Variants in RAD51 observed in about 807,000 individuals in gnomAD.
RAD51 encodes the protein RAD51 recombinase, also known as DNA repair protein RAD51 homolog 1.
Under a neutral mutation model 41.5 loss-of-function variants are expected in RAD51, and 14 were observed. That is an observed-to-expected ratio of 0.34 (90% CI 0.22 to 0.53). The LOEUF (loss-of-function observed/expected upper bound fraction) is 0.53, where lower values mean the gene tolerates loss of function less well. Among genes scored for constraint, RAD51 ranks in the 20% least tolerant of loss-of-function variants. The pLI is 0.95. For missense variants in RAD51, 234 were observed against 422.0 expected, an observed-to-expected ratio of 0.55 and a Z score of 3.90; for synonymous variants, 136 against 148.6, an observed-to-expected ratio of 0.92 and a Z score of 0.62.
intron 6 of RAD51, among the ~76,000 whole-genome samples, chr15:40,726,881 C>T (rs566902539): frequency 5.3e-5 from 8 of 150,216 alleles, no homozygotes; most frequent in African/African-American, 9.8e-5. Context: ...CCACTGCACT[C>T]CAGCCTGGGC....
rs759067637 is a variant in RAD51 at position 40,728,796 on chromosome 15, C to G, written c.616C>G (p.Gln206Glu). Residue 206 changes from glutamine (Q) to glutamate (E), a missense_variant, in exon 7 of 10, where the codon CAA becomes GAA. Gln to Glu is a conservative substitution (Grantham distance 29, BLOSUM62 2). Around this residue, in one of 2 missense-constraint regions of RAD51, gnomAD observed 134 missense variants for 286.5 expected, o/e 0.47. Transcript: ENST00000267868. ...NTDHQTQLLYQASAMMVESRY... is the reference protein window; with the variant it reads ...NTDHQTQLLYEASAMMVESRY... ...AGACCACCAGACCCAGCTCCTTTAT[C>G]AAGCATCAGCCATGATGGTAGAATC... The G allele has an allele frequency of 6.2e-7, 1 of 1,613,716 alleles. No individual in the cohort carries two copies. Among genetic ancestry groups the G allele is most frequent in the Admixed American group, 1.7e-5 (1 of 60,016 alleles).
chr15:40,724,889 A>ATTT lies in RAD51; in HGVS notation c.531-3803_531-3801dup, dbSNP rs34086110. Among the ~76,000 whole-genome samples the ATTT allele has an allele frequency of 4.2e-4, 23 of 55,394 alleles. 1 individual carries two copies. Among genetic ancestry groups the ATTT allele is most frequent in the African/African-American group, 1.5e-3 (18 of 11,910 alleles). 36.3% of individuals were successfully genotyped at this position (55,394 alleles called of 152,430 possible). A position where few individuals can be genotyped will look rare whatever the true frequency, so the allele number is the denominator to read the frequency against. ...TTTTAATTTTTTTTAATTTTTTTTA[A>ATTT]TTTTTTTTTTTTTTTTTTTTTGAGA... is the stretch of plus-strand genomic sequence containing the variant. On this transcript the variant is annotated intron_variant, in intron 6 of 9. Coordinates refer to ENST00000267868, the MANE Select transcript of RAD51 (RefSeq NM_002875.5).
chr15:40,716,717 G>C (rs1395751114), intron 5 of RAD51, among the ~76,000 whole-genome samples: 1 of 136,494 alleles, frequency 7.3e-6, no homozygotes, highest in Admixed American at 8.1e-5. Context: ...CTGGAGTGTA[G>C]TGGCACGATC....
Position 40,728,698 on chromosome 15 carries a change from T to C in RAD51, c.531-13T>C. ...CTGTGTGCAGCCTAAAAATGTTCTC[T>C]CCTCTCTCATAGGTATGGTCTCTCT... On this transcript the variant is annotated splice_polypyrimidine_tract_variant and intron_variant, in intron 6 of 9. Transcript: ENST00000267868. 6.2e-7 allele frequency: 1 copy of C among 1,608,712 alleles called. No homozygotes were observed. The highest frequency in any genetic ancestry group is 2.2e-5 in the East Asian group (1 of 44,858).
Position 40,710,191 on chromosome 15 carries a change from G to A in RAD51, c.435+1075G>A, listed in dbSNP as rs189967438. 8.8e-4 allele frequency among the ~76,000 whole-genome samples: 118 copies of A among 134,092 alleles called. 1 individual carries two copies. Among genetic ancestry groups the A allele is most frequent in the African/African-American group, 3.2e-3 (112 of 34,690 alleles). 88.0% of individuals were successfully genotyped at this position (134,092 alleles called of 152,430 possible). A position where few individuals can be genotyped will look rare whatever the true frequency, so the allele number is the denominator to read the frequency against. ...CGGGAGGCACAGCTTGCAGTGAGCC[G>A]AGATTGCGCCACTGCACTCCAGCCT... On this transcript the variant is annotated intron_variant, in intron 5 of 9. Transcript: ENST00000267868.
At chr15:40,699,245 G>A (rs1235357900) in intron 2 of RAD51, among the ~76,000 whole-genome samples, 1 of 152,178 alleles carries the variant, frequency 6.6e-6, no homozygotes, top group Non-Finnish European at 1.5e-5. Context: ...CCAGGTTCAA[G>A]CGATTCTCCT....
At chr15:40,724,819 C>A (rs1257789953) in intron 6 of RAD51, among the ~76,000 whole-genome samples, 1 of 149,478 alleles carries the variant, frequency 6.7e-6, no homozygotes, top group Non-Finnish European at 1.5e-5. Flanking sequence ...GCTGGGACTA[C>A]AGGCTTCCGC....
intron 6 of RAD51, among the ~76,000 whole-genome samples, chr15:40,724,005 C>G (rs908014509): frequency 1.3e-5 from 2 of 152,182 alleles, no homozygotes; most frequent in African/African-American, 4.8e-5. Flanking sequence ...ATGTCAGACT[C>G]AAGTTGGAAC....
intron 6 of RAD51, among the ~76,000 whole-genome samples, chr15:40,720,594 T>C (rs2412548): frequency 0.54 from 82,683 of 151,734 alleles, 22,909 homozygotes; most frequent in East Asian, 0.77. Flanking sequence ...AAGGAATCCA[T>C]CCACAAGAAA....
intron 5 of RAD51, among the ~76,000 whole-genome samples, chr15:40,713,823 GTCTCGA>G (rs1895845751): frequency 6.6e-6 from 1 of 151,112 alleles, no homozygotes. Context: ...AGCCAGGATG[GTCTCGA>G]TCTCCTGACC....
At chr15:40,698,183 C>CTT (rs34665687) in intron 1 of RAD51, among the ~76,000 whole-genome samples, 7 of 144,098 alleles carry the variant, frequency 4.9e-5, no homozygotes, top group Non-Finnish European at 7.6e-5. Flanking sequence ...ATGAGATGAA[C>CTT]TTTTTTTTTT....
At chr15:40,696,261 A>T (rs1176399329) in intron 1 of RAD51, among the ~76,000 whole-genome samples, 1 of 152,162 alleles carries the variant, frequency 6.6e-6, no homozygotes, top group Non-Finnish European at 1.5e-5. Context: ...TCACAACTGT[A>T]TACAACTCCG....
At chr15:40,720,387 T>C (rs947747164) in intron 6 of RAD51, among the ~76,000 whole-genome samples, 3 of 152,080 alleles carry the variant, frequency 2.0e-5, no homozygotes, top group African/African-American at 7.2e-5. Flanking sequence ...CCGGCCTTAA[T>C]GGTGAAATTC....
Position 40,703,124 on chromosome 15 carries a change from T to C in RAD51, c.225+1923T>C, listed in dbSNP as rs577120916. 5.3e-5 allele frequency among the ~76,000 whole-genome samples: 8 copies of C among 152,354 alleles called. No homozygotes were observed. The Middle Eastern group carries it at 0.01, about 194-fold the overall frequency. ...ATCTACTTGTACTATAGTTATTTTG[T>C]ATAGTTTATCTTTCTGATTAAGTTA... is the stretch of plus-strand genomic sequence containing the variant. On this transcript the variant is annotated intron_variant, in intron 3 of 9. Transcript: ENST00000267868.
intron 5 of RAD51, among the ~76,000 whole-genome samples, chr15:40,714,282 G>A (rs1330224311): frequency 6.6e-6 from 1 of 152,148 alleles, no homozygotes; most frequent in African/African-American, 2.4e-5. Flanking sequence ...AAATTTGATA[G>A]CTAAAGGGAA....
chr15:40,710,501 CAAAAAAA>C (rs747933816), intron 5 of RAD51, among the ~76,000 whole-genome samples: 5 of 48,764 alleles, frequency 1.0e-4, no homozygotes, highest in Non-Finnish European at 2.2e-4. Flanking sequence ...GACTCTGTCT[CAAAAAAA>C]AAAAAAAAAA....
intron 3 of RAD51, chr15:40,701,728 C>T (rs182331682): frequency 3.9e-4 from 92 of 238,236 alleles, no homozygotes; most frequent in Non-Finnish European, 6.3e-4. Context: ...TATATAGTTA[C>T]ACAGTTTTAT....
chr15:40,709,263 C>T lies in RAD51; in HGVS notation c.435+147C>T, dbSNP rs772733193. 170 of 665,630 alleles carry T rather than the reference C, an allele frequency of 2.6e-4. 2 individuals carry two copies. The highest frequency in any genetic ancestry group is 2.0e-3 in the South Asian group (119 of 59,682). 41.2% of individuals were successfully genotyped at this position (665,630 alleles called of 1,614,324 possible). ...TTAATAGTTAGAAGATAGACTCCTA[C>T]TTCAAAATCCTTCCATGTCATAGAA... On this transcript the variant is annotated intron_variant, in intron 5 of 9. Coordinates refer to ENST00000267868, the MANE Select transcript of RAD51 (RefSeq NM_002875.5).
At position 40,729,633 on chromosome 15, in the gene RAD51, A is replaced by C. The variant is rs191297852; in HGVS notation, c.773A>C (p.Glu258Ala). ...FLRMLLRLADEFGVAVVITNQ... is the reference protein window; with the variant it reads ...FLRMLLRLADAFGVAVVITNQ... ...CGGATGCTTCTGCGACTCGCTGATG[A>C]GGTAAGTTGTGGGATAGGGACAGAG... The change falls in exon 8 of 10, where the codon GAG becomes GCG. Residue 258 changes from glutamate (E) to alanine (A), a missense_variant and splice_region_variant. This residue lies in a region of RAD51 where 134 missense variants were observed against 286.5 expected (regional missense o/e 0.47). Transcript: ENST00000267868. The C allele has an allele frequency of 2.3e-5, 37 of 1,613,714 alleles. No individual in the cohort carries two copies. The highest frequency in any genetic ancestry group is 3.1e-5 in the Non-Finnish European group (36 of 1,179,992).
Sources: allele counts gnomAD v4.1 joint callset (sites outside exome capture counted in the v4.1 genomes callset), GRCh38; gene constraint gnomAD v4.1.1; regional missense constraint gnomAD v4.1.1; transcripts MANE v1.5; gene names NCBI Gene and HGNC (gene_info 2026-07-23, HGNC 2026-07-21).